The following SNRPN variants were observed in gnomAD, a reference collection of about 807,000 sequenced individuals.
SNRPN encodes small nuclear ribonucleoprotein-associated protein N.
A neutral mutation model predicts 25.2 loss-of-function variants in SNRPN; 7 were observed. The observed-to-expected ratio is 0.28, with a 90% CI of 0.16 to 0.52. SNRPN has a LOEUF of 0.52. Ranked by LOEUF, SNRPN falls within the 20% of genes least tolerant of loss-of-function variation. The pLI is 0.96. For missense variants in SNRPN, 196 were observed against 322.5 expected (o/e 0.61, Z 3.00); for synonymous variants, 124 against 110.6 (o/e 1.12, Z -0.76).
chr15:24,871,322 C>T (rs1187626620), intron 1 of SNRPN, among the ~76,000 whole-genome samples: 2 of 151,994 alleles, frequency 1.3e-5, no homozygotes, highest in Admixed American at 1.3e-4. Context: ...ATTCCATCTA[C>T]TTCACCTATT....
intron 1 of SNRPN, among the ~76,000 whole-genome samples, chr15:24,885,258 C>T (rs2057093786): frequency 6.6e-6 from 1 of 152,206 alleles, no homozygotes; most frequent in African/African-American, 2.4e-5. Context: ...ATAAACATGA[C>T]TATGGGTTGT....
intron 3 of SNRPN, among the ~76,000 whole-genome samples, chr15:24,944,638 A>G (rs974584218): frequency 2.0e-5 from 3 of 152,216 alleles, no homozygotes; most frequent in Admixed American, 1.3e-4. Flanking sequence ...CAACCCCAGA[A>G]CTAATTCAGA....
At chr15:24,923,881 A>G (rs28552409) in intron 3 of SNRPN, among the ~76,000 whole-genome samples, 12,809 of 106,196 alleles carry the variant, frequency 0.12, 1,021 homozygotes, top group Middle Eastern at 0.29. Context: ...AGTGCCGTGT[A>G]TGTGTGTGTG....
chr15:24,904,995 C>T (rs2058705778), intron 2 of SNRPN, among the ~76,000 whole-genome samples: 1 of 149,338 alleles, frequency 6.7e-6, no homozygotes, highest in Non-Finnish European at 1.5e-5. Flanking sequence ...TGCCTGTAAT[C>T]CTAGCTACTT....
Position 24,977,881 on chromosome 15 carries a change from C to T in SNRPN, c.524C>T (p.Pro175Leu), listed in dbSNP as rs886051020. 11 of 1,593,348 alleles carry T rather than the reference C, an allele frequency of 6.9e-6. No individual in the cohort carries two copies. The highest frequency in any genetic ancestry group is 1.8e-5 in the Admixed American group (1 of 55,598). The change falls in exon 8 of 10, where the codon CCG (proline) becomes CTG (leucine). Residue 175 changes from proline to leucine, a missense_variant. Coordinates refer to ENST00000390687, the MANE Select transcript of SNRPN (RefSeq NM_003097.6). ...PTQYPPGRGT[P>L]PPPVGRATPP... ...CAGTACCCACCAGGACGGGGCACTC[C>T]GCCCCCACCCGTCGGCAGAGCAACC...
At chr15:24,888,171 C>T (rs922867154) in intron 2 of SNRPN, among the ~76,000 whole-genome samples, 2 of 147,938 alleles carry the variant, frequency 1.4e-5, no homozygotes, top group African/African-American at 5.0e-5. Flanking sequence ...TGCAGTGGCA[C>T]AATCTCGGCT....
intron 1 of SNRPN, among the ~76,000 whole-genome samples, chr15:24,827,925 G>A (rs1200187807): frequency 6.7e-6 from 1 of 149,620 alleles, no homozygotes; most frequent in Admixed American, 6.7e-5. Flanking sequence ...AATGTCACAA[G>A]ATAAGATAAA....
At chr15:24,868,772 T>C (rs982846452) in intron 1 of SNRPN, among the ~76,000 whole-genome samples, 3 of 152,198 alleles carry the variant, frequency 2.0e-5, no homozygotes, top group African/African-American at 4.8e-5. Flanking sequence ...ATTATTACAA[T>C]AGAGATATGC....
chr15:24,833,480 G>T (rs933448061), intron 2 of SNRPN, among the ~76,000 whole-genome samples: 1 of 151,976 alleles, frequency 6.6e-6, no homozygotes, highest in Non-Finnish European at 1.5e-5. Context: ...GTTCCCCTTT[G>T]TCCTCTGAAG....
At chr15:24,872,896 A>T (rs1314462410) in intron 1 of SNRPN, among the ~76,000 whole-genome samples, 1 of 102,742 alleles carries the variant, frequency 9.7e-6, no homozygotes, top group Non-Finnish European at 2.0e-5. Flanking sequence ...AAAAAAAAAA[A>T]TAGTTTTCCT....
intron 3 of SNRPN, among the ~76,000 whole-genome samples, chr15:24,935,891 G>C (rs1207009403): frequency 6.6e-6 from 1 of 152,056 alleles, no homozygotes; most frequent in African/African-American, 2.4e-5. Context: ...GGCCAAGGTG[G>C]GTGGATCACG....
At chr15:24,941,405 C>CT (rs1320392136) in intron 3 of SNRPN, among the ~76,000 whole-genome samples, 1 of 152,188 alleles carries the variant, frequency 6.6e-6, no homozygotes, top group Non-Finnish European at 1.5e-5. Context: ...TTGTAATTAC[C>CT]TTTGTCTACT....
chr15:24,831,432 A>T (rs56084275), intron 2 of SNRPN, among the ~76,000 whole-genome samples: 23,264 of 151,972 alleles, frequency 0.15, 2,303 homozygotes, highest in African/African-American at 0.27. Context: ...TGTGAAGTGA[A>T]AAATTCTTGC....
chr15:24,968,121 A>G (rs949308703), intron 3 of SNRPN, 39 bp downstream of exon 3: 11 of 1,204,860 alleles, frequency 9.1e-6, no homozygotes, highest in Admixed American at 1.8e-5. Context: ...ATAAAGAATC[A>G]TTAAAGAATG....
chr15:24,864,437 G>A (rs1405486514), intron 1 of SNRPN, among the ~76,000 whole-genome samples: 31 of 144,332 alleles, frequency 2.1e-4, no homozygotes, highest in Admixed American at 2.0e-3. Context: ...TCTGCCTCCC[G>A]GGTTCAAGCG....
Position 24,903,929 on chromosome 15 carries a change from G to C in SNRPN, c.-504-16082G>C, listed in dbSNP as rs184576996. On this transcript the variant is annotated intron_variant, in intron 2 of 11. Coordinates refer to the SNRPN transcript ENST00000400097. ...CACGCCTGTGGTCCCAGGTATTTGGGAGACTGAGGTGGGAAGATCACCTGA... is the reference window on the plus strand; with the variant it reads ...CACGCCTGTGGTCCCAGGTATTTGGCAGACTGAGGTGGGAAGATCACCTGA... Among the ~76,000 whole-genome samples, 387 of 152,086 alleles carry C rather than the reference G, an allele frequency of 2.5e-3. 1 individual carries two copies. Among genetic ancestry groups the C allele is most frequent in the Non-Finnish European group, 4.4e-3 (296 of 68,006 alleles).
chr15:24,948,446 A>G (rs576982287), intron 3 of SNRPN, among the ~76,000 whole-genome samples: 1 of 152,174 alleles, frequency 6.6e-6, no homozygotes. Flanking sequence ...TATTTCAAAG[A>G]TAGGAGAGAG....
chr15:24,874,633 C>T (rs2055666199), intron 1 of SNRPN, among the ~76,000 whole-genome samples: 3 of 152,188 alleles, frequency 2.0e-5, no homozygotes, highest in Admixed American at 6.5e-5. Context: ...CTGTCCTTGT[C>T]TGCACATGCA....
At chr15:24,862,546 CA>C (rs1216001550) in intron 1 of SNRPN, among the ~76,000 whole-genome samples, 3 of 150,968 alleles carry the variant, frequency 2.0e-5, no homozygotes, top group Non-Finnish European at 4.4e-5. Flanking sequence ...TGAAACACAA[CA>C]AAAAAACAAA....
Sources: allele counts gnomAD v4.1 joint callset (sites outside exome capture counted in the v4.1 genomes callset), GRCh38; gene constraint gnomAD v4.1.1; transcripts MANE v1.5; gene names NCBI Gene and HGNC (gene_info 2026-07-23, HGNC 2026-07-21).